Variants in GBP7 observed in about 807,000 individuals in gnomAD.
GBP7 encodes guanylate-binding protein 7.
Under a neutral mutation model 61.3 loss-of-function variants are expected in GBP7, and 43 were observed. The ratio of observed to expected loss-of-function variants is 0.70; its 90% CI spans 0.55 to 0.91. The LOEUF (loss-of-function observed/expected upper bound fraction) is 0.91, where lower values mean the gene tolerates loss of function less well. Ranked by LOEUF, GBP7 falls within the 40% of genes least tolerant of loss-of-function variation. The pLI is 0.00. For missense variants in GBP7, 717 were observed against 740.5 expected (o/e 0.97, Z 0.37); for synonymous variants, 267 against 271.0 (o/e 0.99, Z 0.14).
In GBP7 at chr1:89,133,332, G is replaced by C; in HGVS notation, c.1588C>G (p.Leu530Val). ...ERSFQENIAQ[L>V]KKKMEREREN... The stretch of plus-strand genomic sequence containing the variant: ...CTTTCCCTCTCCATCTTCTTCTTGA[G>C]TTGAGCTATGTTTTCCTGGAAACTT... The change falls in exon 10 of 11, where the codon CTC (leucine) becomes GTC (valine). Residue 530 changes from leucine to valine, a missense_variant. Leu to Val is a conservative substitution (Grantham distance 32). Transcript: ENST00000294671. 1 of 1,613,868 alleles carries C rather than the reference G, an allele frequency of 6.2e-7. No homozygotes were observed. The highest frequency in any genetic ancestry group is 8.5e-7 in the Non-Finnish European group (1 of 1,179,932).
chr1:89,139,548 T>C (rs1000376850), intron 9 of GBP7, among the ~76,000 whole-genome samples: 2 of 152,222 alleles, frequency 1.3e-5, no homozygotes, highest in African/African-American at 4.8e-5. Flanking sequence ...CCTACTCATC[T>C]GACAAAGGGC....
At chr1:89,162,161 T>C (rs1220783271) in intron 3 of GBP7, among the ~76,000 whole-genome samples, 1 of 152,162 alleles carries the variant, frequency 6.6e-6, no homozygotes, top group Non-Finnish European at 1.5e-5. Context: ...GTTCCATGTA[T>C]TTTGGTTACT....
intron 10 of GBP7, among the ~76,000 whole-genome samples, chr1:89,132,790 CAAGG>C (rs1681709977): frequency 6.6e-6 from 1 of 152,132 alleles, no homozygotes; most frequent in African/African-American, 2.4e-5. Context: ...CAGTTTGGGA[CAAGG>C]AATATGTTTT....
At chr1:89,171,478 T>C (rs1163177535) in intron 2 of GBP7, among the ~76,000 whole-genome samples, 3 of 152,076 alleles carry the variant, frequency 2.0e-5, no homozygotes, top group South Asian at 2.1e-4. Flanking sequence ...ACTACATAAA[T>C]ATTTTAGTAA....
intron 2 of GBP7, among the ~76,000 whole-genome samples, chr1:89,168,990 A>G (rs1443707180): frequency 6.6e-6 from 1 of 151,690 alleles, no homozygotes; most frequent in Non-Finnish European, 1.5e-5. Context: ...AAAAACAAAA[A>G]ACAAAAAAAC....
rs748209112 is a variant in GBP7, at chr1:89,171,964, A to G, written c.-19-10T>C. On this transcript the variant is annotated splice_polypyrimidine_tract_variant and intron_variant, in intron 1 of 10. Transcript: ENST00000294671. Reference sequence around the variant, plus strand: ...CAGGGCGTTCCTCTGTCTGCAAGGAAAAAATGAAATGGAAAGTAATGTCTG... The same window carrying G: ...CAGGGCGTTCCTCTGTCTGCAAGGAGAAAATGAAATGGAAAGTAATGTCTG... The G allele has an allele frequency of 1.3e-5, 21 of 1,587,536 alleles. No individual in the cohort carries two copies. The East Asian group carries it at 3.4e-4, about 25-fold the overall frequency.
intron 3 of GBP7, among the ~76,000 whole-genome samples, chr1:89,160,221 G>T (rs1487207097): frequency 6.6e-6 from 1 of 152,090 alleles, no homozygotes; most frequent in African/African-American, 2.4e-5. Context: ...TGGGGTGGAG[G>T]GAGTGTGGAG....
At chr1:89,168,974 T>TAAAAAA (rs374172595) in intron 2 of GBP7, among the ~76,000 whole-genome samples, 1 of 68,396 alleles carries the variant, frequency 1.5e-5, no homozygotes, top group African/African-American at 7.3e-5. Flanking sequence ...CGCCTCAAGT[T>TAAAAAA]AAAAAAAAAA....
chr1:89,152,597 A>G (rs946981706), intron 4 of GBP7, 71 bp downstream of exon 4: 9 of 1,523,232 alleles, frequency 5.9e-6, no homozygotes, highest in Non-Finnish European at 8.1e-6. Context: ...GTCACAACAA[A>G]GAAGACACAG....
chr1:89,141,767 G>C, intron 8 of GBP7, 119 bp from the exon 9 acceptor site: 1 of 752,006 alleles, frequency 1.3e-6, no homozygotes. Flanking sequence ...TTATTCTTAA[G>C]ATTCCACAGT....
chr1:89,157,333 A>G (rs185836986), intron 3 of GBP7, among the ~76,000 whole-genome samples: 1 of 152,302 alleles, frequency 6.6e-6, no homozygotes, highest in East Asian at 1.9e-4. Context: ...AAGCTAGCAG[A>G]AGGCAAGAAA....
intron 2 of GBP7, among the ~76,000 whole-genome samples, chr1:89,171,506 ATTAT>A (rs963996559): frequency 2.6e-5 from 4 of 151,958 alleles, no homozygotes; most frequent in East Asian, 1.9e-4. Context: ...ATAATGCATT[ATTAT>A]TTAATTTTTT....
intron 3 of GBP7, among the ~76,000 whole-genome samples, chr1:89,164,113 A>G (rs963361580): frequency 2.6e-5 from 4 of 152,068 alleles, no homozygotes; most frequent in African/African-American, 4.8e-5. Flanking sequence ...CAGATGGTCC[A>G]CCCGCCTCGG....
intron 9 of GBP7, among the ~76,000 whole-genome samples, 156 bp from the exon 10 acceptor site, chr1:89,133,607 G>A (rs567523092): frequency 6.6e-6 from 1 of 152,252 alleles, no homozygotes; most frequent in South Asian, 2.1e-4. Context: ...CAGAAGGAAG[G>A]CATTGAGAGT....
chr1:89,147,891 G>GTAC, intron 7 of GBP7, 112 bp from the exon 8 acceptor site: 1 of 1,048,064 alleles, frequency 9.5e-7, no homozygotes, highest in Non-Finnish European at 1.4e-6. Flanking sequence ...GCTGAGTTAC[G>GTAC]GTGTAGACTA....
intron 3 of GBP7, among the ~76,000 whole-genome samples, chr1:89,155,136 G>C (rs1224564074): frequency 6.6e-6 from 1 of 152,206 alleles, no homozygotes; most frequent in African/African-American, 2.4e-5. Flanking sequence ...GCAGCTGAAG[G>C]CCCTGACTGT....
At chr1:89,150,211 C>A in intron 6 of GBP7, 119 bp downstream of exon 6, 2 of 930,460 alleles carry the variant, frequency 2.1e-6, no homozygotes, top group South Asian at 1.8e-5. Flanking sequence ...TTCACTTATC[C>A]CACACCTCAT....
intron 8 of GBP7, among the ~76,000 whole-genome samples, chr1:89,146,148 A>C (rs1333646545): frequency 1.3e-5 from 2 of 152,216 alleles, no homozygotes; most frequent in Non-Finnish European, 2.9e-5. Context: ...AAACAAACCC[A>C]CACATTTACA....
chr1:89,149,496 T>C lies in GBP7; in HGVS notation c.948A>G (p.Ala316=), dbSNP rs765366226. 6.2e-7 allele frequency: 1 copy of C among 1,614,170 alleles called. No homozygotes were observed. The highest frequency in any genetic ancestry group is 8.5e-7 in the Non-Finnish European group (1 of 1,180,010). The part of the protein sequence containing the change: ...GATPCLENAM[A]VLAQCENSAA... ...CTGAGTTCTCACACTGGGCCAGAAC[T>C]GCCATTGCATTCTCCAGACAAGGAG... is the stretch of plus-strand genomic sequence containing the variant. The change falls in exon 7 of 11, where the codon GCA becomes GCG. Residue 316 remains alanine, a synonymous_variant. Coordinates refer to ENST00000294671, the MANE Select transcript of GBP7 (RefSeq NM_207398.3).
Sources: gnomAD v4.1 joint callset for allele counts (sites outside exome capture counted in the v4.1 genomes callset) on GRCh38, gnomAD v4.1.1 for gene constraint, MANE v1.5 for transcripts, NCBI Gene and HGNC (gene_info 2026-07-23, HGNC 2026-07-21) for gene names.